CSRNP3: variants seen among roughly 807,000 people sequenced by gnomAD.
CSRNP3 encodes the protein cysteine and serine rich nuclear protein 3.
A neutral mutation model predicts 48.0 loss-of-function variants in CSRNP3; 12 were observed. The observed-to-expected ratio is 0.25, with a 90% CI of 0.16 to 0.41. The LOEUF (loss-of-function observed/expected upper bound fraction) is 0.41. Ranked by LOEUF, CSRNP3 falls within the 10% of genes least tolerant of loss-of-function variation. CSRNP3 has a pLI of 1.00. For synonymous variants in CSRNP3, 263 were observed against 269.7 expected (o/e 0.98, Z 0.24); for missense variants, 580 against 724.4 (o/e 0.80, Z 2.29).
chr2:165,496,007 T>TA (rs1684279360), intron 2 of CSRNP3, among the ~76,000 whole-genome samples: 1 of 151,992 alleles, frequency 6.6e-6, no homozygotes, highest in Non-Finnish European at 1.5e-5. Flanking sequence ...TTAAAAAAAT[T>TA]ACACTAAAGT....
At chr2:165,594,198 T>C (rs985995788) in intron 3 of CSRNP3, among the ~76,000 whole-genome samples, 1 of 152,190 alleles carries the variant, frequency 6.6e-6, no homozygotes, top group African/African-American at 2.4e-5. Flanking sequence ...ATACTGTACT[T>C]TCAGTTAATG....
chr2:165,639,636 T>C (rs1376391806), intron 4 of CSRNP3, among the ~76,000 whole-genome samples: 1 of 152,174 alleles, frequency 6.6e-6, no homozygotes, highest in Non-Finnish European at 1.5e-5. Flanking sequence ...AATCTGAGAA[T>C]GACAAAGTCA....
At chr2:165,614,397 C>T (rs916236839) in intron 4 of CSRNP3, among the ~76,000 whole-genome samples, 7 of 152,122 alleles carry the variant, frequency 4.6e-5, no homozygotes, top group African/African-American at 1.7e-4. Context: ...ATTTGACTTA[C>T]TTTTCCAATT....
chr2:165,481,167 G>A (rs1257757904), intron 1 of CSRNP3, among the ~76,000 whole-genome samples: 2 of 152,138 alleles, frequency 1.3e-5, no homozygotes, highest in East Asian at 3.9e-4. Context: ...AAAGCACATG[G>A]TATTGGAAAA....
intron 4 of CSRNP3, among the ~76,000 whole-genome samples, chr2:165,598,639 T>C (rs907983913): frequency 3.3e-5 from 5 of 152,260 alleles, no homozygotes; most frequent in Middle Eastern, 3.4e-3. Flanking sequence ...ATTTTTTTCA[T>C]TGAAGAAAGT....
intron 3 of CSRNP3, among the ~76,000 whole-genome samples, chr2:165,535,811 T>C (rs1186245457): frequency 6.6e-6 from 1 of 151,758 alleles, no homozygotes; most frequent in Non-Finnish European, 1.5e-5. Context: ...CTAAATTAAG[T>C]ATGGTGAGGC....
chr2:165,601,765 G>T (rs543332617), intron 4 of CSRNP3, among the ~76,000 whole-genome samples: 1 of 151,586 alleles, frequency 6.6e-6, no homozygotes, highest in African/African-American at 2.4e-5. Flanking sequence ...TCTTTCCCCA[G>T]TGTGATTTCC....
At chr2:165,543,769 G>A (rs970583122) in intron 3 of CSRNP3, among the ~76,000 whole-genome samples, 2 of 151,904 alleles carry the variant, frequency 1.3e-5, no homozygotes, top group African/African-American at 2.4e-5. Context: ...GTAAAATGGG[G>A]TATCCATCTC....
At chr2:165,602,698 T>C (rs576329300) in intron 4 of CSRNP3, among the ~76,000 whole-genome samples, 2 of 152,284 alleles carry the variant, frequency 1.3e-5, no homozygotes, top group East Asian at 3.9e-4. Context: ...TAACCACTGC[T>C]ACTTCTTCTG....
At chr2:165,633,933 A>G (rs1686584778) in intron 4 of CSRNP3, among the ~76,000 whole-genome samples, 1 of 152,208 alleles carries the variant, frequency 6.6e-6, no homozygotes, top group African/African-American at 2.4e-5. Context: ...ATGATCTTTC[A>G]GTAGTCAAAA....
intron 3 of CSRNP3, among the ~76,000 whole-genome samples, chr2:165,579,921 C>CTTTTTTT (rs147087270): frequency 1.4e-5 from 1 of 70,550 alleles, no homozygotes; most frequent in Admixed American, 2.0e-4. Flanking sequence ...CATGACTCTA[C>CTTTTTTT]TTTTTTTTTT....
At chr2:165,615,288 A>G (rs975757152) in intron 4 of CSRNP3, among the ~76,000 whole-genome samples, 2 of 152,188 alleles carry the variant, frequency 1.3e-5, no homozygotes, top group African/African-American at 4.8e-5. Flanking sequence ...TTACCCCTGT[A>G]ATCCCAGCAC....
intron 4 of CSRNP3, among the ~76,000 whole-genome samples, chr2:165,645,887 GT>G (rs1686802947): frequency 6.6e-6 from 1 of 151,324 alleles, no homozygotes; most frequent in Non-Finnish European, 1.5e-5. Context: ...TTTTTGTTTT[GT>G]TTTGTTTTGT....
At chr2:165,484,517 G>T (rs1208893888) in intron 1 of CSRNP3, among the ~76,000 whole-genome samples, 4 of 152,212 alleles carry the variant, frequency 2.6e-5, no homozygotes, top group Non-Finnish European at 5.9e-5. Flanking sequence ...TATAAATCAA[G>T]TCATCTGTAC....
At chr2:165,495,369 TGAAAGCC>T (rs1684271394) in intron 2 of CSRNP3, among the ~76,000 whole-genome samples, 1 of 152,060 alleles carries the variant, frequency 6.6e-6, no homozygotes, top group Non-Finnish European at 1.5e-5. Flanking sequence ...ATCAAGGCCT[TGAAAGCC>T]TTGAGATCCT....
intron 4 of CSRNP3, among the ~76,000 whole-genome samples, chr2:165,647,178 T>G (rs557076393): frequency 1.3e-5 from 2 of 152,222 alleles, no homozygotes; most frequent in African/African-American, 4.8e-5. Context: ...TCCTGTGAGG[T>G]AGATAAACAT....
chr2:165,663,724 G>A (rs934770453), intron 5 of CSRNP3, among the ~76,000 whole-genome samples: 4 of 152,172 alleles, frequency 2.6e-5, no homozygotes, highest in Non-Finnish European at 5.9e-5. Context: ...ATGTGCTGGA[G>A]CCAGCTTGTT....
intron 5 of CSRNP3, among the ~76,000 whole-genome samples, chr2:165,670,703 G>A (rs962939123): frequency 6.6e-6 from 1 of 152,106 alleles, no homozygotes; most frequent in Non-Finnish European, 1.5e-5. Context: ...ACACAGATGC[G>A]AAAGCTGTTA....
chr2:165,655,345 C>T (rs1686985158), intron 4 of CSRNP3, among the ~76,000 whole-genome samples: 1 of 152,120 alleles, frequency 6.6e-6, no homozygotes. Flanking sequence ...GTTATAGGAC[C>T]TTGGCCATGT....
Sources: gnomAD v4.1 joint callset for allele counts (sites outside exome capture counted in the v4.1 genomes callset) on GRCh38, gnomAD v4.1.1 for gene constraint, MANE v1.5 for transcripts, NCBI Gene and HGNC (gene_info 2026-07-23, HGNC 2026-07-21) for gene names.